Variants in TAF3 observed in about 807,000 individuals in gnomAD.
The protein encoded by TAF3 is transcription initiation factor TFIID subunit 3.
In TAF3, 7 loss-of-function variants were observed where a neutral mutation model predicts 80.6. The ratio of observed to expected loss-of-function variants is 0.09; its 90% CI spans 0.05 to 0.16. The LOEUF (loss-of-function observed/expected upper bound fraction) is 0.16. Among genes scored for constraint, TAF3 ranks in the 10% least tolerant of loss-of-function variants. The pLI, the probability that TAF3 is intolerant of heterozygous loss-of-function variation, is 1.00. For missense variants in TAF3, 921 were observed against 1,140.2 expected (o/e 0.81, Z 2.77); for synonymous variants, 444 against 446.1 (o/e 1.00, Z 0.06).
intron 2 of TAF3, among the ~76,000 whole-genome samples, chr10:7,939,089 A>T (rs1041244958): frequency 6.6e-6 from 1 of 152,230 alleles, no homozygotes; most frequent in Admixed American, 6.5e-5. Flanking sequence ...GTTCAGAAAC[A>T]GGGGTCATCA....
chr10:7,830,909 C>G (rs971281411), intron 2 of TAF3, among the ~76,000 whole-genome samples: 12 of 152,154 alleles, frequency 7.9e-5, no homozygotes, highest in African/African-American at 2.9e-4. Flanking sequence ...GCATTGTGCA[C>G]TCATAATGCA....
chr10:7,828,148 G>T (rs1325909698), intron 2 of TAF3, among the ~76,000 whole-genome samples: 4 of 152,142 alleles, frequency 2.6e-5, no homozygotes, highest in Admixed American at 6.5e-5. Context: ...CAGGAAGATC[G>T]CTTGAGCCCA....
intron 2 of TAF3, among the ~76,000 whole-genome samples, chr10:7,832,877 G>C (rs1389771682): frequency 1.3e-5 from 2 of 152,162 alleles, no homozygotes; most frequent in Non-Finnish European, 2.9e-5. Context: ...TTGTGCTACA[G>C]ATATTCCAGT....
At chr10:7,825,288 C>T (rs1295273146) in intron 2 of TAF3, among the ~76,000 whole-genome samples, 3 of 152,276 alleles carry the variant, frequency 2.0e-5, no homozygotes, top group South Asian at 2.1e-4. Context: ...CTGTATACTT[C>T]AGGACAATGC....
At chr10:7,868,027 C>T (rs2131142766) in intron 2 of TAF3, among the ~76,000 whole-genome samples, 1 of 151,940 alleles carries the variant, frequency 6.6e-6, no homozygotes, top group Admixed American at 6.5e-5. Context: ...AGTGGGTCAC[C>T]ATAAAGTTGT....
intron 2 of TAF3, among the ~76,000 whole-genome samples, chr10:7,828,901 G>GTGCA (rs142027780): frequency 4.7e-4 from 9 of 19,188 alleles, no homozygotes; most frequent in East Asian, 8.6e-3. Context: ...GGGTGTGGTG[G>GTGCA]TGCCTGTAGT....
intron 2 of TAF3, among the ~76,000 whole-genome samples, chr10:7,879,636 A>G (rs966753361): frequency 1.3e-5 from 2 of 152,206 alleles, no homozygotes; most frequent in Non-Finnish European, 2.9e-5. Flanking sequence ...CATAGAAATG[A>G]CGGGAGATGG....
At chr10:7,822,214 G>C (rs1051977489) in intron 1 of TAF3, among the ~76,000 whole-genome samples, 1 of 144,730 alleles carries the variant, frequency 6.9e-6, no homozygotes, top group Non-Finnish European at 1.5e-5. Context: ...TAAGAATAGA[G>C]AGAAAGGAAA....
intron 4 of TAF3, 88 bp from the exon 5 acceptor site, chr10:8,008,990 A>G: frequency 6.7e-7 from 1 of 1,485,824 alleles, no homozygotes. Flanking sequence ...ACTGGAAGAA[A>G]AGCTATTTTA....
chr10:7,969,579 G>C (rs1831603468), intron 3 of TAF3, among the ~76,000 whole-genome samples: 1 of 152,102 alleles, frequency 6.6e-6, no homozygotes, highest in Admixed American at 6.5e-5. Context: ...TTGGAGGGAG[G>C]ATCATTTTGA....
At position 7,835,271 on chromosome 10, in the gene TAF3, T is replaced by C. The variant is rs372298222; in HGVS notation, c.409+10711T>C. On this transcript the variant is annotated intron_variant, in intron 2 of 6. Transcript: ENST00000344293. Reference sequence around the variant, plus strand: ...TAATGTTTTAAGAAAGTTTACAACTTTGTGTTGGGCTGCATTCAAAGCCGT... The same window carrying C: ...TAATGTTTTAAGAAAGTTTACAACTCTGTGTTGGGCTGCATTCAAAGCCGT... Among the ~76,000 whole-genome samples the C allele has an allele frequency of 1.9e-3, 288 of 152,262 alleles. 1 individual carries two copies. The highest frequency in any genetic ancestry group is 6.6e-3 in the African/African-American group (274 of 41,550).
intron 2 of TAF3, among the ~76,000 whole-genome samples, chr10:7,936,498 C>CTT (rs200550840): frequency 2.1e-5 from 3 of 144,552 alleles, no homozygotes; most frequent in East Asian, 2.1e-4. Flanking sequence ...TGAGCTGCAT[C>CTT]TTTTTTTTTT....
chr10:7,995,815 GTTATAA>G (rs1309815397), intron 4 of TAF3, among the ~76,000 whole-genome samples: 3 of 152,144 alleles, frequency 2.0e-5, no homozygotes, highest in African/African-American at 7.2e-5. Context: ...TTATAGTTGT[GTTATAA>G]TTATATGAAT....
At chr10:7,983,004 A>G (rs1304162848) in intron 4 of TAF3, among the ~76,000 whole-genome samples, 4 of 152,222 alleles carry the variant, frequency 2.6e-5, no homozygotes, top group Non-Finnish European at 5.9e-5. Context: ...ACAGAAATCC[A>G]AATCAAACCG....
At chr10:7,866,389 C>T (rs1837215222) in intron 2 of TAF3, among the ~76,000 whole-genome samples, 1 of 152,144 alleles carries the variant, frequency 6.6e-6, no homozygotes, top group African/African-American at 2.4e-5. Context: ...GGTGGCTGAC[C>T]ACGGAATTTC....
intron 2 of TAF3, among the ~76,000 whole-genome samples, chr10:7,881,315 C>T (rs112200861): frequency 0.011 from 1,658 of 151,900 alleles, 20 homozygotes; most frequent in Middle Eastern, 0.031. Flanking sequence ...CAATACTTTA[C>T]TGTATCTTGA....
intron 2 of TAF3, among the ~76,000 whole-genome samples, chr10:7,869,461 A>G (rs915177612): frequency 3.9e-5 from 6 of 152,220 alleles, no homozygotes; most frequent in South Asian, 2.1e-4. Context: ...CTGTTAACTT[A>G]TCCTCATGGG....
At chr10:8,007,172 G>C (rs973392117) in intron 4 of TAF3, among the ~76,000 whole-genome samples, 1 of 152,024 alleles carries the variant, frequency 6.6e-6, no homozygotes, top group African/African-American at 2.4e-5. Context: ...AAAAACCTTT[G>C]GCTTACTAAT....
chr10:8,014,020 G>A (rs1232535631), intron 6 of TAF3, among the ~76,000 whole-genome samples, 183 bp downstream of exon 6: 13 of 152,104 alleles, frequency 8.5e-5, no homozygotes, highest in Admixed American at 8.5e-4. Context: ...AGAGTGCTTA[G>A]ACTATTGTTA....
Sources: gnomAD v4.1 joint callset for allele counts (sites outside exome capture counted in the v4.1 genomes callset) on GRCh38, gnomAD v4.1.1 for gene constraint, MANE v1.5 for transcripts, NCBI Gene and HGNC (gene_info 2026-07-23, HGNC 2026-07-21) for gene names.